Variants in ANKS1B observed in about 807,000 individuals in gnomAD.
ANKS1B encodes ankyrin repeat and sterile alpha motif domain containing 1B.
Under a neutral mutation model 148.3 loss-of-function variants are expected in ANKS1B, and 36 were observed. The ratio of observed to expected loss-of-function variants is 0.24; its 90% CI spans 0.19 to 0.32. The LOEUF (loss-of-function observed/expected upper bound fraction) is 0.32, where lower values mean the gene tolerates loss of function less well. Ranked by LOEUF, ANKS1B falls within the 10% of genes least tolerant of loss-of-function variation. The pLI, the probability that ANKS1B is intolerant of heterozygous loss-of-function variation, is 1.00. For missense variants in ANKS1B, 1,157 were observed against 1,542.6 expected (o/e 0.75, Z 4.19); for synonymous variants, 542 against 560.8 (o/e 0.97, Z 0.47).
intron 17 of ANKS1B, among the ~76,000 whole-genome samples, chr12:98,891,837 G>GA (rs537570161): frequency 1.3e-4 from 19 of 151,916 alleles, no homozygotes; most frequent in Non-Finnish European, 1.6e-4. Flanking sequence ...CCCACAGAAG[G>GA]AAAAAAATGG....
chr12:99,504,417 A>T, intron 10 of ANKS1B, 59 bp downstream of exon 10: 1 of 1,521,650 alleles, frequency 6.6e-7, no homozygotes, highest in Non-Finnish European at 9.0e-7. Context: ...TTAATGATGC[A>T]TCTTCATATG....
intron 17 of ANKS1B, among the ~76,000 whole-genome samples, chr12:98,974,166 T>C (rs1400248277): frequency 6.6e-6 from 1 of 152,186 alleles, no homozygotes; most frequent in African/African-American, 2.4e-5. Context: ...GAAACTTGTC[T>C]AAGGTCACAG....
Position 98,744,193 on chromosome 12 carries a change from G to A in ANKS1B, c.*1546C>T, listed in dbSNP as rs1229671547. On this transcript the variant is annotated 3_prime_UTR_variant, in exon 27 of 27. Coordinates refer to ENST00000683438, the MANE Select transcript of ANKS1B (RefSeq NM_001352186.2). Reference sequence around the variant, plus strand: ...GCTACATACATATCAACAGTGAATAGGCAAAATATATACAAGGAACTGTTC... The same window carrying A: ...GCTACATACATATCAACAGTGAATAAGCAAAATATATACAAGGAACTGTTC... 12 of 977,276 alleles carry A rather than the reference G, an allele frequency of 1.2e-5. No homozygotes were observed. Among genetic ancestry groups the A allele is most frequent in the Non-Finnish European group, 1.5e-5 (12 of 822,368 alleles). The allele number at this position is 977,276 out of a possible 1,614,324, so 60.5% of individuals were successfully genotyped here. A position where few individuals can be genotyped will look rare whatever the true frequency, so the allele number is the denominator to read the frequency against.
Position 99,144,442 on chromosome 12 carries a change from C to T in ANKS1B, c.2526+9847G>A, listed in dbSNP as rs2072224527. Among the ~76,000 whole-genome samples, 3 of 152,066 alleles carry T rather than the reference C, an allele frequency of 2.0e-5. No homozygotes were observed. In the South Asian group the frequency reaches 6.2e-4, roughly 31 times the overall value. ...TTCATCATTGATGAAAGAGATCCTT[C>T]AGGCATCTGGAATCTTATGTAAACC... On this transcript the variant is annotated intron_variant, in intron 15 of 26. Coordinates refer to ENST00000683438, the MANE Select transcript of ANKS1B (RefSeq NM_001352186.2).
chr12:98,890,584 CT>C (rs914881979), intron 17 of ANKS1B, among the ~76,000 whole-genome samples: 1 of 152,150 alleles, frequency 6.6e-6, no homozygotes, highest in East Asian at 1.9e-4. Flanking sequence ...GGAAATGAGA[CT>C]TTTATGAACG....
At chr12:99,505,414 T>G (rs1384236322) in intron 9 of ANKS1B, among the ~76,000 whole-genome samples, 1 of 151,960 alleles carries the variant, frequency 6.6e-6, no homozygotes, top group Non-Finnish European at 1.5e-5. Context: ...TATCTTTCCT[T>G]GTAAATACCA....
At chr12:99,149,977 G>C (rs2074385459) in intron 15 of ANKS1B, among the ~76,000 whole-genome samples, 1 of 152,088 alleles carries the variant, frequency 6.6e-6, no homozygotes, top group Non-Finnish European at 1.5e-5. Context: ...AAATAATATA[G>C]GTCTGAGGGA....
intron 9 of ANKS1B, among the ~76,000 whole-genome samples, chr12:99,645,316 T>A (rs1398857846): frequency 6.6e-6 from 1 of 152,192 alleles, no homozygotes; most frequent in Non-Finnish European, 1.5e-5. Flanking sequence ...GAGAATAAAA[T>A]CATATATTGA....
At chr12:99,705,170 A>G (rs1405374690) in intron 8 of ANKS1B, among the ~76,000 whole-genome samples, 2 of 152,152 alleles carry the variant, frequency 1.3e-5, no homozygotes, top group East Asian at 1.9e-4. Context: ...TTAGATTCCC[A>G]TATGCCTTTC....
At chr12:99,818,708 T>C (rs2082160999) in intron 2 of ANKS1B, among the ~76,000 whole-genome samples, 1 of 151,640 alleles carries the variant, frequency 6.6e-6, no homozygotes, top group Admixed American at 6.6e-5. Context: ...AAGTAAAACA[T>C]CAAATTAAAT....
intron 17 of ANKS1B, among the ~76,000 whole-genome samples, chr12:98,925,627 A>C (rs544519411): frequency 8.2e-4 from 125 of 152,310 alleles, no homozygotes; most frequent in African/African-American, 2.6e-3. Flanking sequence ...ACTTGCACTT[A>C]TAACCATCTG....
At chr12:99,788,877 G>A (rs1214806256) in intron 4 of ANKS1B, among the ~76,000 whole-genome samples, 2 of 152,190 alleles carry the variant, frequency 1.3e-5, no homozygotes, top group Admixed American at 1.3e-4. Flanking sequence ...AGTCTCCTCT[G>A]CCTGTGGAAA....
intron 8 of ANKS1B, among the ~76,000 whole-genome samples, chr12:99,760,134 A>ATGAG (rs2061946956): frequency 2.0e-5 from 3 of 151,862 alleles, no homozygotes; most frequent in African/African-American, 7.2e-5. Context: ...CATTTTAAGC[A>ATGAG]CATGCACAAT....
intron 1 of ANKS1B, among the ~76,000 whole-genome samples, chr12:99,928,101 T>C (rs2094517824): frequency 6.6e-6 from 1 of 151,942 alleles, no homozygotes; most frequent in Admixed American, 6.6e-5. Context: ...TTCATACACA[T>C]GAAAGATAAA....
intron 1 of ANKS1B, among the ~76,000 whole-genome samples, chr12:99,969,230 G>A (rs138651783): frequency 6.6e-6 from 1 of 152,288 alleles, no homozygotes; most frequent in East Asian, 1.9e-4. Context: ...CCAGGCTGGA[G>A]TACAGTGGCA....
rs917095471 is a variant in ANKS1B at position 99,593,973 on chromosome 12, C to T, written c.1272+61094G>A. Among the ~76,000 whole-genome samples the T allele has an allele frequency of 2.0e-5, 3 of 151,948 alleles. No individual in the cohort carries two copies. In the East Asian group the frequency reaches 5.8e-4, roughly 29 times the overall value. The stretch of plus-strand genomic sequence containing the variant: ...GTGGGTGTTTTTTTTTAATCTCCGT[C>T]TTGACAGAGAGCAGCAAAGCACACA... On this transcript the variant is annotated intron_variant, in intron 9 of 26. Coordinates refer to ENST00000683438, the MANE Select transcript of ANKS1B (RefSeq NM_001352186.2).
intron 1 of ANKS1B, among the ~76,000 whole-genome samples, chr12:99,972,723 AC>A (rs1183624497): frequency 6.6e-6 from 1 of 152,226 alleles, no homozygotes; most frequent in Admixed American, 6.5e-5. Flanking sequence ...GATAAAGGTG[AC>A]TACACTAAAC....
chr12:99,001,796 C>T (rs1338873776), intron 17 of ANKS1B, among the ~76,000 whole-genome samples: 1 of 152,226 alleles, frequency 6.6e-6, no homozygotes, highest in Non-Finnish European at 1.5e-5. Context: ...ATCCTTTGCT[C>T]AACATCTATT....
chr12:99,599,294 T>C (rs1387985659), intron 9 of ANKS1B, among the ~76,000 whole-genome samples: 2 of 152,006 alleles, frequency 1.3e-5, no homozygotes, highest in East Asian at 1.9e-4. Context: ...GTTGGTAGAA[T>C]TGGAAAATAC....
Sources: allele counts gnomAD v4.1 joint callset (sites outside exome capture counted in the v4.1 genomes callset), GRCh38; gene constraint gnomAD v4.1.1; transcripts MANE v1.5; gene names NCBI Gene and HGNC (gene_info 2026-07-23, HGNC 2026-07-21).